HYDIN: variants seen among roughly 807,000 people sequenced by gnomAD.
HYDIN encodes the protein axonemal central pair apparatus protein HYDIN.
Under a neutral mutation model 403.9 loss-of-function variants are expected in HYDIN, and 132 were observed. The observed-to-expected ratio is 0.33, with a 90% confidence interval of 0.28 to 0.38. The LOEUF (loss-of-function observed/expected upper bound fraction) is 0.38, where lower values mean the gene tolerates loss of function less well. Ranked by LOEUF, HYDIN falls within the 10% of genes least tolerant of loss-of-function variation. The pLI, the probability that HYDIN is intolerant of heterozygous loss-of-function variation, is 1.00. For synonymous variants in HYDIN, 1,202 were observed against 1,891.7 expected, an observed-to-expected ratio of 0.64 and a Z score of 9.46; for missense variants, 2,827 against 5,009.5, an observed-to-expected ratio of 0.56 and a Z score of 13.15.
At chr16:71,020,487 C>G (rs1490787762) in intron 21 of HYDIN, among the ~76,000 whole-genome samples, 170 bp from the exon 22 acceptor site, 2 of 151,814 alleles carry the variant, frequency 1.3e-5, no homozygotes, top group Non-Finnish European at 2.9e-5. Flanking sequence ...TGTATACATA[C>G]ATTTTTCTCC....
chr16:71,049,224 G>A (rs1416901333), intron 18 of HYDIN, among the ~76,000 whole-genome samples: 1 of 152,230 alleles, frequency 6.6e-6, no homozygotes, highest in Admixed American at 6.5e-5. Flanking sequence ...GATCCTGCAG[G>A]AAGCAAGGAA....
At position 70,821,623 on chromosome 16, in the gene HYDIN, TTATC is replaced by T. The variant is rs1402697574; in HGVS notation, c.14428-3055_14428-3052del. Reference sequence around the variant, plus strand: ...CCCTGGCTGCTTTAAGCTTTTCTCTTTATCTTTGTTTTTTGGCAGTTTGAAAATG... The same window carrying T: ...CCCTGGCTGCTTTAAGCTTTTCTCTTTTTGTTTTTTGGCAGTTTGAAAATG... On this transcript the variant is annotated intron_variant, in intron 83 of 85. Transcript: ENST00000393567. Among the ~76,000 whole-genome samples, 3 of 111,536 alleles carry T rather than the reference TTATC, an allele frequency of 2.7e-5. No individual in the cohort carries two copies. The East Asian group carries it at 7.4e-4, about 27-fold the overall frequency. 73.2% of individuals were successfully genotyped at this position (111,536 alleles called of 152,430 possible).
rs546249567 is a variant in HYDIN at position 71,162,495 on chromosome 16, TAATC to T, written c.716+32_716+35del. On this transcript the variant is annotated intron_variant, in intron 6 of 85. Coordinates refer to ENST00000393567, the MANE Select transcript of HYDIN (RefSeq NM_001270974.2). ...TACTTGAGCTGACTAGATTTAGCTA[TAATC>T]AATCAAAGACAAGAGCTAAAGGCAT... 2.7e-4 allele frequency: 389 copies of T among 1,456,898 alleles called. No homozygotes were observed. The African/African-American group carries it at 4.8e-3, about 18-fold the overall frequency. The allele number at this position is 1,456,898 out of a possible 1,614,324, so 90.2% of individuals were successfully genotyped here.
intron 13 of HYDIN, among the ~76,000 whole-genome samples, chr16:71,074,343 T>C (rs574578684): frequency 4.0e-5 from 6 of 149,114 alleles, no homozygotes; most frequent in African/African-American, 1.5e-4. Flanking sequence ...TGCTCATCTG[T>C]CTCATTAACG....
chr16:71,098,758 G>GAAA (rs2083365696), intron 10 of HYDIN, among the ~76,000 whole-genome samples: 9 of 118,672 alleles, frequency 7.6e-5, no homozygotes, highest in African/African-American at 2.2e-4. Flanking sequence ...AAAAAAAAAG[G>GAAA]AGATGTGTTG....
chr16:70,917,940 C>T (rs2143805360), intron 47 of HYDIN, among the ~76,000 whole-genome samples: 1 of 152,106 alleles, frequency 6.6e-6, no homozygotes, highest in South Asian at 2.1e-4. Context: ...TTCCCTAAAC[C>T]CTCCAATGGG....
At position 71,130,320 on chromosome 16, in the gene HYDIN, T is replaced by C. The variant is rs541261594; in HGVS notation, c.1044-497A>G. Among the ~76,000 whole-genome samples the C allele has an allele frequency of 2.6e-5, 4 of 152,242 alleles. No individual in the cohort carries two copies. In the East Asian group the frequency reaches 7.7e-4, roughly 29 times the overall value. ...GTGATCTGTTTACTAGCTCTGTGAC[T>C]TTGGCAGTTCCCTGATTCCTCTAAG... On this transcript the variant is annotated intron_variant, in intron 8 of 85. Transcript: ENST00000393567.
Position 71,088,527 on chromosome 16 carries a change from A to G in HYDIN, c.1447-3T>C, listed in dbSNP as rs1327772906. The G allele has an allele frequency of 3.5e-5, 22 of 632,832 alleles. No homozygotes were observed. Among genetic ancestry groups the G allele is most frequent in the Non-Finnish European group, 5.2e-5 (18 of 348,334 alleles). The allele number at this position is 632,832 out of a possible 1,614,324, so 39.2% of individuals were successfully genotyped here. On this transcript the variant is annotated splice_polypyrimidine_tract_variant and splice_region_variant and intron_variant, in intron 11 of 85. Coordinates refer to ENST00000393567, the MANE Select transcript of HYDIN (RefSeq NM_001270974.2). Reference sequence around the variant, plus strand: ...CTGCCTTTGTTGTACAGTATCGCCTATATCAATAAAAGGCAAGAATGTGAA... The same window carrying G: ...CTGCCTTTGTTGTACAGTATCGCCTGTATCAATAAAAGGCAAGAATGTGAA...
intron 21 of HYDIN, among the ~76,000 whole-genome samples, chr16:71,023,179 A>G (rs537565894): frequency 6.6e-6 from 1 of 152,180 alleles, no homozygotes; most frequent in South Asian, 2.1e-4. Context: ...ATAAAGCTTA[A>G]TAACTGTAGC....
intron 30 of HYDIN, 23 bp downstream of exon 30, chr16:70,978,891 C>G (rs767144504): frequency 2.5e-6 from 4 of 1,604,086 alleles, no homozygotes; most frequent in Non-Finnish European, 3.4e-6. Flanking sequence ...ACAGGCGTCC[C>G]GTGCAGGCTG....
At chr16:71,099,776 A>AG (rs1220754975) in intron 10 of HYDIN, among the ~76,000 whole-genome samples, 2 of 148,832 alleles carry the variant, frequency 1.3e-5, no homozygotes, top group Non-Finnish European at 3.0e-5. Context: ...ACAAGGTAGG[A>AG]GGAACAATTG....
Position 70,920,872 on chromosome 16 carries a change from A to C in HYDIN, c.7504T>G (p.Leu2502Val). 6.2e-7 allele frequency: 1 copy of C among 1,607,126 alleles called. No homozygotes were observed. The stretch of plus-strand genomic sequence containing the variant: ...TCCTTGCGGCCCCTGCGCCCACCCA[A>C]GGGGACCTGGCGCTGGTCGTCGGGC... ...HEPDDQRQVP[L>V]GGRRGRKDRE... The change falls in exon 46 of 86, where the codon TTG (leucine) becomes GTG (valine). Residue 2502 changes from leucine (L) to valine (V), a missense_variant. Coordinates refer to ENST00000393567, the MANE Select transcript of HYDIN (RefSeq NM_001270974.2).
intron 18 of HYDIN, among the ~76,000 whole-genome samples, chr16:71,033,343 C>T (rs1352467074): frequency 6.6e-6 from 1 of 152,162 alleles, no homozygotes; most frequent in Non-Finnish European, 1.5e-5. Flanking sequence ...TGATGTGATT[C>T]CTAATTATAT....
chr16:71,212,130 A>T (rs937873360), intron 1 of HYDIN, among the ~76,000 whole-genome samples: 9 of 152,218 alleles, frequency 5.9e-5, no homozygotes, highest in African/African-American at 1.2e-4. Flanking sequence ...ATTGTTAAAA[A>T]CACTATAGTG....
chr16:71,186,637 T>A, intron 2 of HYDIN, 124 bp downstream of exon 2: 2 of 768,982 alleles, frequency 2.6e-6, no homozygotes, highest in Non-Finnish European at 4.2e-6. Flanking sequence ...GCTACCATTA[T>A]AACTAAATTG....
intron 25 of HYDIN, among the ~76,000 whole-genome samples, chr16:70,989,745 C>T (rs1206231953): frequency 2.0e-5 from 3 of 152,214 alleles, no homozygotes; most frequent in Non-Finnish European, 2.9e-5. Flanking sequence ...TCCGGTTCTC[C>T]CCTCCTGAGG....
chr16:71,192,976 G>A (rs1394037617), intron 1 of HYDIN, among the ~76,000 whole-genome samples: 3 of 152,220 alleles, frequency 2.0e-5, no homozygotes, highest in Non-Finnish European at 4.4e-5. Context: ...GCAAACTTCT[G>A]TTCATCCTAC....
At chr16:71,229,193 T>G (rs1473123841) in intron 1 of HYDIN, among the ~76,000 whole-genome samples, 1 of 150,676 alleles carries the variant, frequency 6.6e-6, no homozygotes, top group African/African-American at 2.4e-5. Flanking sequence ...CATTTGGAGA[T>G]ATACCTAATG....
At chr16:71,145,762 T>C (rs576950003) in intron 7 of HYDIN, among the ~76,000 whole-genome samples, 1 of 152,302 alleles carries the variant, frequency 6.6e-6, no homozygotes, top group East Asian at 1.9e-4. Flanking sequence ...CGATCTGCTA[T>C]AGTGAAAGAA....
Sources: gnomAD v4.1 joint callset for allele counts (sites outside exome capture counted in the v4.1 genomes callset) on GRCh38, gnomAD v4.1.1 for gene constraint, MANE v1.5 for transcripts, NCBI Gene and HGNC (gene_info 2026-07-23, HGNC 2026-07-21) for gene names.